Variants in C16orf89 observed in about 807,000 individuals in gnomAD.
The protein encoded by C16orf89 is UPF0764 protein C16orf89.
Under a neutral mutation model 41.5 loss-of-function variants are expected in C16orf89, and 57 were observed. The ratio of observed to expected loss-of-function variants is 1.38; its 90% CI spans 1.11 to 1.71. The LOEUF is 1.71. Among genes scored for constraint, C16orf89 ranks in the 40% most tolerant of loss-of-function variants. The pLI is 0.00. For missense variants in C16orf89, 575 were observed against 445.9 expected (o/e 1.29, Z -2.61); for synonymous variants, 223 against 190.6 (o/e 1.17, Z -1.40).
At chr16:5,053,167 C>T (rs1412611201) in intron 6 of C16orf89, among the ~76,000 whole-genome samples, 4 of 152,008 alleles carry the variant, frequency 2.6e-5, no homozygotes, top group Non-Finnish European at 4.4e-5. Flanking sequence ...GTCAGGAGTT[C>T]GTGACCAGCA....
intron 6 of C16orf89, among the ~76,000 whole-genome samples, chr16:5,054,750 C>T (rs1198641656): frequency 6.6e-6 from 1 of 152,194 alleles, no homozygotes; most frequent in Non-Finnish European, 1.5e-5. Flanking sequence ...CCGTTTCCCC[C>T]ATACCGTTCT....
intron 6 of C16orf89, among the ~76,000 whole-genome samples, chr16:5,049,229 G>C (rs1956355817): frequency 6.6e-6 from 1 of 152,184 alleles, no homozygotes; most frequent in African/African-American, 2.4e-5. Context: ...TATAAAGGGA[G>C]AGATAGACTC....
At position 5,058,583 on chromosome 16, in the gene C16orf89, G is replaced by A. The variant is rs780982453; in HGVS notation, c.537C>T (p.Leu179=). ...TGTDSSEPCG[L]SDLCRSLMTK... The stretch of plus-strand genomic sequence containing the variant: ...TCATGAGGCTCCTGCAGAGGTCTGA[G>A]AGGCCGCAGGGCTCGCTGCTGTCCG... Residue 179 remains leucine (L), a synonymous_variant, in exon 4 of 8, where the codon CTC becomes CTT. Transcript: ENST00000472572. 1 of 1,612,500 alleles carries A rather than the reference G, an allele frequency of 6.2e-7. No homozygotes were observed. The highest frequency in any genetic ancestry group is 1.1e-5 in the South Asian group (1 of 91,024).
chr16:5,050,099 G>T (rs1248708945), intron 6 of C16orf89, among the ~76,000 whole-genome samples: 1 of 152,162 alleles, frequency 6.6e-6, no homozygotes, highest in Non-Finnish European at 1.5e-5. Flanking sequence ...TGGGTGTGGT[G>T]GCTCATGCCT....
At chr16:5,062,652 G>T in intron 1 of C16orf89, 78 bp from the exon 2 acceptor site, 2 of 1,413,332 alleles carry the variant, frequency 1.4e-6, no homozygotes, top group African/African-American at 1.4e-5. Flanking sequence ...AAAAAAAAAT[G>T]CCCCAAAGTC....
chr16:5,053,424 TG>T (rs1956433796), intron 6 of C16orf89, among the ~76,000 whole-genome samples: 1 of 149,288 alleles, frequency 6.7e-6, no homozygotes, highest in African/African-American at 2.5e-5. Flanking sequence ...GGGAGGGGGA[TG>T]GGGGAGAGGA....
At chr16:5,045,260 C>T (rs936832780) in intron 7 of C16orf89, among the ~76,000 whole-genome samples, 6 of 152,220 alleles carry the variant, frequency 3.9e-5, no homozygotes, top group African/African-American at 7.2e-5. Context: ...CCGAGCTGAG[C>T]CCCTGGCCCT....
chr16:5,057,580 A>G (rs1956537771), intron 4 of C16orf89, among the ~76,000 whole-genome samples: 1 of 151,176 alleles, frequency 6.6e-6, no homozygotes, highest in Non-Finnish European at 1.5e-5. Context: ...GGCATATATA[A>G]TGTAGTAGCA....
In C16orf89 at chr16:5,047,921, C is replaced by T; in HGVS notation, c.912G>A (p.Gln304=). The change falls in exon 7 of 8, where the codon CAG becomes CAA. Residue 304 remains glutamine (Q), a synonymous_variant. Transcript: ENST00000472572. The part of the protein sequence containing the change: ...EELSKAIQYQ[Q]HFSRRVKRRE... ...GCCTCTTCACTCTCCTCGAAAAATG[C>T]TGCTGATATTGAATAGCTTTAGATA... 1.2e-6 allele frequency: 2 copies of T among 1,605,358 alleles called. No homozygotes were observed. Among genetic ancestry groups the T allele is most frequent in the Non-Finnish European group, 1.7e-6 (2 of 1,172,980 alleles).
chr16:5,055,698 G>T (rs1263397124), intron 5 of C16orf89: 1 of 1,535,794 alleles, frequency 6.5e-7, no homozygotes, highest in Middle Eastern at 1.7e-4. Context: ...TGGTCCATCT[G>T]TGTAGAGCTC....
intron 7 of C16orf89, among the ~76,000 whole-genome samples, chr16:5,045,731 C>A (rs1249928102): frequency 2.6e-5 from 4 of 152,138 alleles, no homozygotes; most frequent in African/African-American, 9.7e-5. Context: ...GGTTGTGTGA[C>A]TTTCGCAGCA....
At chr16:5,045,597 G>C (rs1956281110) in intron 7 of C16orf89, among the ~76,000 whole-genome samples, 1 of 152,126 alleles carries the variant, frequency 6.6e-6, no homozygotes. Context: ...AACCCTGGCA[G>C]CTCATGCCTC....
chr16:5,045,284 C>G (rs1956274538), intron 7 of C16orf89, among the ~76,000 whole-genome samples: 1 of 152,254 alleles, frequency 6.6e-6, no homozygotes, highest in Non-Finnish European at 1.5e-5. Context: ...GACTCCACAG[C>G]TCATTTCCTG....
At chr16:5,046,619 A>G (rs66995423) in intron 7 of C16orf89, among the ~76,000 whole-genome samples, 31,328 of 152,146 alleles carry the variant, frequency 0.21, 4,088 homozygotes, top group East Asian at 0.46. Context: ...CCAAAGTGCT[A>G]GGATTACAGG....
chr16:5,044,333 A>C lies in C16orf89; in HGVS notation c.*15T>G. The C allele has an allele frequency of 6.3e-7, 1 of 1,589,044 alleles. No homozygotes were observed. Among genetic ancestry groups the C allele is most frequent in the South Asian group, 1.1e-5 (1 of 87,002 alleles). On this transcript the variant is annotated 3_prime_UTR_variant, in exon 8 of 8. Coordinates refer to ENST00000472572, the MANE Select transcript of C16orf89 (RefSeq NM_001098514.3). ...TCTGTTCCTCCTCCAGGCAGCTGGC[A>C]TGGAACCGTCCGTCTCAGCGGCTGC...
At chr16:5,044,791 C>T in intron 7 of C16orf89, 1 of 1,195,466 alleles carries the variant, frequency 8.4e-7, no homozygotes, top group Non-Finnish European at 1.1e-6. Flanking sequence ...TTGCAGTGAG[C>T]CGAGATTGCG....
intron 1 of C16orf89, among the ~76,000 whole-genome samples, chr16:5,065,411 G>A (rs1029434977): frequency 6.6e-6 from 1 of 152,164 alleles, no homozygotes; most frequent in African/African-American, 2.4e-5. Context: ...TGTTCGTGGC[G>A]TTGTGAGGAG....
chr16:5,062,935 T>G (rs936096159), intron 1 of C16orf89, among the ~76,000 whole-genome samples: 2 of 152,254 alleles, frequency 1.3e-5, no homozygotes, highest in East Asian at 3.9e-4. Flanking sequence ...CTGTGTACAG[T>G]TGAGCAGGTT....
At chr16:5,061,248 C>A (rs1248365322) in intron 2 of C16orf89, among the ~76,000 whole-genome samples, 3 of 95,184 alleles carry the variant, frequency 3.2e-5, no homozygotes, top group African/African-American at 8.5e-5. Context: ...GGTGACAGAG[C>A]AAGACTCCAT....
Sources: gnomAD v4.1 joint callset for allele counts (sites outside exome capture counted in the v4.1 genomes callset) on GRCh38, gnomAD v4.1.1 for gene constraint, MANE v1.5 for transcripts, NCBI Gene and HGNC (gene_info 2026-07-23, HGNC 2026-07-21) for gene names.